XPO4: variants seen among roughly 807,000 people sequenced by gnomAD.
XPO4 encodes the protein exportin-4.
Under a neutral mutation model 143.0 loss-of-function variants are expected in XPO4, and 39 were observed. That is an observed-to-expected ratio of 0.27 (90% confidence interval 0.21 to 0.36). The LOEUF is 0.36. Among genes scored for constraint, XPO4 ranks in the 10% least tolerant of loss-of-function variants. The pLI is 1.00. For missense variants in XPO4, 907 were observed against 1,348.0 expected (o/e 0.67, Z 5.12); for synonymous variants, 439 against 474.0 (o/e 0.93, Z 0.96).
At chr13:20,820,859 A>T (rs2059711297) in intron 9 of XPO4, among the ~76,000 whole-genome samples, 1 of 152,176 alleles carries the variant, frequency 6.6e-6, no homozygotes. Context: ...CACAACTTAC[A>T]ATTTAACATG....
chr13:20,778,611 TTATAAAATA>T lies in XPO4; in HGVS notation c.*5102_*5110del, dbSNP rs2059107222. 3.3e-5 allele frequency: 5 copies of T among 152,182 alleles called. No homozygotes were observed. The highest frequency in any genetic ancestry group is 6.5e-5 in the Admixed American group (1 of 15,278). The allele number at this position is 152,182 out of a possible 1,614,324, so 9.4% of individuals were successfully genotyped here. A position where few individuals can be genotyped will look rare whatever the true frequency, so the allele number is the denominator to read the frequency against. Reference sequence around the variant, plus strand: ...CTAAGACTGTGGGCTGAGATAAATATTATAAAATATAGACAAAATTTTTATATTTCTAAT... The same window carrying T: ...CTAAGACTGTGGGCTGAGATAAATATTAGACAAAATTTTTATATTTCTAAT... On this transcript the variant is annotated 3_prime_UTR_variant, in exon 23 of 23. Coordinates refer to ENST00000255305, the MANE Select transcript of XPO4 (RefSeq NM_022459.5).
chr13:20,817,916 C>A (rs1377226018), intron 9 of XPO4, among the ~76,000 whole-genome samples: 1 of 152,084 alleles, frequency 6.6e-6, no homozygotes, highest in Non-Finnish European at 1.5e-5. Context: ...CTGTCTCAGC[C>A]TCCTCAGTAG....
intron 3 of XPO4, among the ~76,000 whole-genome samples, chr13:20,859,568 C>G (rs187882197): frequency 1.4e-4 from 22 of 152,106 alleles, no homozygotes; most frequent in African/African-American, 4.8e-4. Flanking sequence ...CCACTGCACT[C>G]CAGCCTGGAT....
In XPO4 at chr13:20,811,843, G is replaced by A. The variant is rs547194129; in HGVS notation, c.1174-1876C>T. Among the ~76,000 whole-genome samples the A allele has an allele frequency of 2.0e-5, 3 of 152,272 alleles. No homozygotes were observed. The East Asian group carries it at 5.8e-4, about 29-fold the overall frequency. Reference sequence around the variant, plus strand: ...GTTGGACAGGGCAATGTGAGATGACGCATACAGGGTGATGAAGGCCTCTTG... The same window carrying A: ...GTTGGACAGGGCAATGTGAGATGACACATACAGGGTGATGAAGGCCTCTTG... On this transcript the variant is annotated intron_variant, in intron 9 of 22. Coordinates refer to ENST00000255305, the MANE Select transcript of XPO4 (RefSeq NM_022459.5).
intron 22 of XPO4, 76 bp from the exon 23 acceptor site, chr13:20,783,995 G>T: frequency 6.9e-7 from 1 of 1,451,096 alleles, no homozygotes; most frequent in Non-Finnish European, 9.6e-7. Flanking sequence ...TTACTGGACT[G>T]TGGGGTTCTA....
chr13:20,830,223 C>T (rs1382325189), intron 6 of XPO4, among the ~76,000 whole-genome samples: 4 of 152,248 alleles, frequency 2.6e-5, no homozygotes, highest in East Asian at 3.9e-4. Flanking sequence ...ATTCCTTACA[C>T]GTGGCCACGA....
At position 20,791,431 on chromosome 13, in the gene XPO4, T is replaced by C. The variant is rs187772900; in HGVS notation, c.2798-851A>G. On this transcript the variant is annotated intron_variant, in intron 18 of 22. Transcript: ENST00000255305. ...CTTGTCCACAGAAATGATCACTGCA[T>C]CACCATTTATAAGAGGAAAAAGGTA... 1.4e-4 allele frequency among the ~76,000 whole-genome samples: 22 copies of C among 152,250 alleles called. 1 individual carries two copies. In the East Asian group the frequency reaches 4.2e-3, roughly 29 times the overall value.
rs556350214 is a variant in XPO4 at position 20,788,347 on chromosome 13, G to T, written c.3047+139C>A. On this transcript the variant is annotated intron_variant, in intron 20 of 22. Coordinates refer to ENST00000255305, the MANE Select transcript of XPO4 (RefSeq NM_022459.5). The stretch of plus-strand genomic sequence containing the variant: ...GCTGGAATTACAGGTGTGAGCCACC[G>T]TGCCTGGCCCAGGGTTTTTTAAGAA... The T allele has an allele frequency of 6.0e-6, 7 of 1,169,736 alleles. No homozygotes were observed. The South Asian group carries it at 1.1e-4, about 18-fold the overall frequency. 72.5% of individuals were successfully genotyped at this position (1,169,736 alleles called of 1,614,324 possible).
chr13:20,881,915 C>A (rs12865339), intron 1 of XPO4, among the ~76,000 whole-genome samples: 1 of 151,796 alleles, frequency 6.6e-6, no homozygotes, highest in African/African-American at 2.4e-5. Flanking sequence ...TGAGACCAGT[C>A]TGGCCAACAG....
At chr13:20,851,733 AAG>A (rs1316371422) in intron 4 of XPO4, 27 of 966,384 alleles carry the variant, frequency 2.8e-5, no homozygotes, top group Non-Finnish European at 2.7e-5. Flanking sequence ...AAAAAAAAGA[AAG>A]AAAGAAAGAA....
intron 9 of XPO4, among the ~76,000 whole-genome samples, chr13:20,814,998 T>C (rs995377815): frequency 1.3e-5 from 2 of 152,224 alleles, no homozygotes; most frequent in Non-Finnish European, 2.9e-5. Flanking sequence ...AAATGAAGCT[T>C]TGAAAAGAAA....
intron 9 of XPO4, among the ~76,000 whole-genome samples, chr13:20,819,154 G>A (rs967459886): frequency 5.3e-5 from 8 of 151,922 alleles, no homozygotes; most frequent in African/African-American, 1.2e-4. Context: ...GTTAATCCAC[G>A]TCATAAAGCA....
At chr13:20,831,886 C>A (rs1050655107) in intron 6 of XPO4, among the ~76,000 whole-genome samples, 13 of 147,676 alleles carry the variant, frequency 8.8e-5, no homozygotes, top group African/African-American at 3.2e-4. Flanking sequence ...GCAAGGGATC[C>A]AATTCTGAAG....
intron 6 of XPO4, among the ~76,000 whole-genome samples, chr13:20,830,098 A>G (rs1449386814): frequency 6.6e-6 from 1 of 152,126 alleles, no homozygotes; most frequent in Non-Finnish European, 1.5e-5. Flanking sequence ...ATTTTTTAAA[A>G]TCTTGGTTTA....
In XPO4 at chr13:20,902,718, C is replaced by T. The variant is rs372982570; in HGVS notation, c.21G>A (p.Gly7=). MMAAAL[G]PPEVIAQLEN... is the part of the protein sequence containing the mutation. Reference sequence around the variant, plus strand: ...CCAGCTGAGCGATCACTTCTGGGGGCCCCAGCGCCGCCGCCATCATGGTCT... The same window carrying T: ...CCAGCTGAGCGATCACTTCTGGGGGTCCCAGCGCCGCCGCCATCATGGTCT... Residue 7 remains glycine, a synonymous_variant, in exon 1 of 23, where the codon GGG becomes GGA. Coordinates refer to ENST00000255305, the MANE Select transcript of XPO4 (RefSeq NM_022459.5). The T allele has an allele frequency of 4.8e-5, 75 of 1,558,244 alleles. No individual in the cohort carries two copies. Among genetic ancestry groups the T allele is most frequent in the Non-Finnish European group, 6.4e-5 (74 of 1,151,386 alleles).
Position 20,781,330 on chromosome 13 carries a change from G to T in XPO4, c.*2392C>A, listed in dbSNP as rs1456329478. 2 of 152,464 alleles carry T rather than the reference G, an allele frequency of 1.3e-5. No homozygotes were observed. The highest frequency in any genetic ancestry group is 4.8e-5 in the African/African-American group (2 of 41,378). The allele number at this position is 152,464 out of a possible 1,614,324, so 9.4% of individuals were successfully genotyped here. Reference sequence around the variant, plus strand: ...ACAAAGTGAATAAGCATCCAATCAGGCAAACATGGACACAACCACCCTGAA... The same window carrying T: ...ACAAAGTGAATAAGCATCCAATCAGTCAAACATGGACACAACCACCCTGAA... On this transcript the variant is annotated 3_prime_UTR_variant, in exon 23 of 23. Transcript: ENST00000255305.
chr13:20,809,718 T>C (rs1419929132), intron 10 of XPO4, 73 bp downstream of exon 10: 8 of 1,453,872 alleles, frequency 5.5e-6, no homozygotes, highest in South Asian at 3.2e-5. Flanking sequence ...TCTGGCATTA[T>C]ATAATGTGTA....
At chr13:20,787,770 T>C (rs548832355) in intron 20 of XPO4, among the ~76,000 whole-genome samples, 172 bp from the exon 21 acceptor site, 2 of 152,352 alleles carry the variant, frequency 1.3e-5, no homozygotes, top group South Asian at 2.1e-4. Flanking sequence ...AGATTTCCAG[T>C]GTTTTTCAGA....
intron 12 of XPO4, 85 bp from the exon 13 acceptor site, chr13:20,807,719 T>C (rs1388894640): frequency 5.9e-6 from 6 of 1,011,778 alleles, no homozygotes; most frequent in South Asian, 2.1e-5. Flanking sequence ...GTTTGATTTA[T>C]ATACATCATA....
Sources: gnomAD v4.1 joint callset for allele counts (sites outside exome capture counted in the v4.1 genomes callset) on GRCh38, gnomAD v4.1.1 for gene constraint, MANE v1.5 for transcripts, NCBI Gene and HGNC (gene_info 2026-07-23, HGNC 2026-07-21) for gene names.